GRID2: variants seen among roughly 807,000 people sequenced by gnomAD.
GRID2 encodes glutamate receptor ionotropic, delta-2.
GRID2 carries 33 observed loss-of-function variants against 114.8 expected under a neutral mutation model. The observed-to-expected ratio is 0.29, with a 90% CI of 0.22 to 0.38. GRID2 has a LOEUF of 0.38. Ranked by LOEUF, GRID2 falls within the 10% of genes least tolerant of loss-of-function variation. The pLI, the probability that GRID2 is intolerant of heterozygous loss-of-function variation, is 1.00. For missense variants in GRID2, 1,184 were observed against 1,257.7 expected, an observed-to-expected ratio of 0.94 and a Z score of 0.89; for synonymous variants, 505 against 449.9, an observed-to-expected ratio of 1.12 and a Z score of -1.55.
chr4:93,006,021 C>G (rs938155969), intron 2 of GRID2, among the ~76,000 whole-genome samples: 4 of 151,990 alleles, frequency 2.6e-5, no homozygotes, highest in African/African-American at 9.7e-5. Context: ...TCTCCTAAAT[C>G]AAATCCTAGA....
At chr4:93,423,131 A>C (rs971807021) in intron 10 of GRID2, among the ~76,000 whole-genome samples, 163 bp downstream of exon 10, 2 of 152,114 alleles carry the variant, frequency 1.3e-5, no homozygotes, top group African/African-American at 2.4e-5. Flanking sequence ...CAAAAGTCTC[A>C]CTCAATACTA....
At chr4:92,470,462 C>T (rs190344233) in intron 1 of GRID2, among the ~76,000 whole-genome samples, 2 of 151,788 alleles carry the variant, frequency 1.3e-5, no homozygotes, top group African/African-American at 4.8e-5. Flanking sequence ...TAAAAATATG[C>T]ATTCTTTCAT....
intron 2 of GRID2, among the ~76,000 whole-genome samples, chr4:92,889,597 C>T (rs981872912): frequency 6.6e-6 from 1 of 152,106 alleles, no homozygotes; most frequent in Non-Finnish European, 1.5e-5. Flanking sequence ...AACTACAAAC[C>T]ACTGCTCAAG....
chr4:92,688,037 CT>C (rs760605020), intron 2 of GRID2, among the ~76,000 whole-genome samples: 1,469 of 44,628 alleles, frequency 0.033, 5 homozygotes, highest in African/African-American at 0.063. Flanking sequence ...CCTTCTTCTT[CT>C]TTTTTTTTTT....
intron 8 of GRID2, among the ~76,000 whole-genome samples, chr4:93,339,556 C>T (rs967580277): frequency 3.3e-5 from 5 of 152,170 alleles, no homozygotes; most frequent in African/African-American, 1.2e-4. Context: ...TTATGGATTT[C>T]CCTCCAGAAC....
rs549532137 is a variant in GRID2 at position 93,497,117 on chromosome 4, T to G, written c.1997+6340T>G. Among the ~76,000 whole-genome samples the G allele has an allele frequency of 2.0e-5, 3 of 151,798 alleles. No individual in the cohort carries two copies. In the East Asian group the frequency reaches 5.9e-4, roughly 30 times the overall value. ...TCTCATTGTGGTTTTAATTTCTATT[T>G]TATTATTGTGTAGTGGTATTGAACA... On this transcript the variant is annotated intron_variant, in intron 12 of 15. Transcript: ENST00000282020.
intron 1 of GRID2, among the ~76,000 whole-genome samples, chr4:92,420,671 T>G (rs1282401790): frequency 1.3e-5 from 2 of 152,072 alleles, no homozygotes; most frequent in East Asian, 3.9e-4. Context: ...TCACCCACAC[T>G]GAAATGTTTT....
chr4:93,794,038 A>G (rs554120631), intron 1 of GRID2, among the ~76,000 whole-genome samples: 1 of 151,720 alleles, frequency 6.6e-6, no homozygotes, highest in Non-Finnish European at 1.5e-5. Context: ...AAAAAAAAAG[A>G]ATATGATTTA....
At chr4:92,824,575 A>G (rs1664835827) in intron 2 of GRID2, among the ~76,000 whole-genome samples, 1 of 151,562 alleles carries the variant, frequency 6.6e-6, no homozygotes, top group Admixed American at 6.6e-5. Context: ...AAAGCCATTA[A>G]TTGCTCTTTT....
At chr4:93,256,246 T>A (rs918373132) in intron 8 of GRID2, among the ~76,000 whole-genome samples, 1 of 152,080 alleles carries the variant, frequency 6.6e-6, no homozygotes, top group African/African-American at 2.4e-5. Context: ...TGTTTTAACT[T>A]ACTGAGGACT....
intron 1 of GRID2, among the ~76,000 whole-genome samples, chr4:92,312,693 G>C (rs1725767676): frequency 6.6e-6 from 1 of 152,034 alleles, no homozygotes; most frequent in African/African-American, 2.4e-5. Flanking sequence ...GAAATTAAGA[G>C]GTGAGTTTGG....
chr4:93,744,556 A>C (rs749286822), intron 14 of GRID2, among the ~76,000 whole-genome samples: 14 of 152,196 alleles, frequency 9.2e-5, no homozygotes, highest in Non-Finnish European at 1.8e-4. Flanking sequence ...ATGTGACTGA[A>C]TTGCTGAAAT....
intron 14 of GRID2, among the ~76,000 whole-genome samples, chr4:93,660,276 T>G (rs1241066019): frequency 6.6e-6 from 1 of 152,182 alleles, no homozygotes; most frequent in East Asian, 1.9e-4. Context: ...AATTATACCA[T>G]TTTAAAGTGA....
intron 14 of GRID2, among the ~76,000 whole-genome samples, chr4:93,651,917 C>A (rs773182487): frequency 6.6e-5 from 10 of 152,080 alleles, no homozygotes; most frequent in Non-Finnish European, 1.5e-4. Flanking sequence ...AGTGAATGAG[C>A]TATTTTCTGT....
chr4:93,308,006 A>T (rs1297630854), intron 8 of GRID2, among the ~76,000 whole-genome samples: 2 of 152,152 alleles, frequency 1.3e-5, no homozygotes, highest in East Asian at 3.9e-4. Flanking sequence ...TGTGAAGTAG[A>T]TATCAATTCA....
rs566100841 is a variant in GRID2 at position 92,768,130 on chromosome 4, T to A, written c.244+177844T>A. 3.1e-4 allele frequency among the ~76,000 whole-genome samples: 47 copies of A among 152,104 alleles called. 1 individual carries two copies. The highest frequency in any genetic ancestry group is 5.6e-4 in the Non-Finnish European group (38 of 68,014). ...AAAATCTTTATCAATGTCATGAAAT[T>A]ATTTTCTTTTTTAACCACAAAACCC... On this transcript the variant is annotated intron_variant, in intron 2 of 15. Coordinates refer to ENST00000282020, the MANE Select transcript of GRID2 (RefSeq NM_001510.4).
chr4:93,302,505 C>A (rs537456047), intron 8 of GRID2: 11 of 451,954 alleles, frequency 2.4e-5, no homozygotes, highest in South Asian at 1.7e-4. Flanking sequence ...ACATAATATT[C>A]ATGTTTTCCA....
In GRID2 at chr4:92,754,066, C is replaced by T. The variant is rs896103963; in HGVS notation, c.244+163780C>T. On this transcript the variant is annotated intron_variant, in intron 2 of 15. Transcript: ENST00000282020. ...GTTTACATATTTGCTAATGCATAAC[C>T]TGTCACTGATAATTGTAGGAAAGTT... Among the ~76,000 whole-genome samples, 4 of 152,292 alleles carry T rather than the reference C, an allele frequency of 2.6e-5. No individual in the cohort carries two copies. The East Asian group carries it at 7.7e-4, about 29-fold the overall frequency.
intron 2 of GRID2, among the ~76,000 whole-genome samples, chr4:92,628,446 C>T (rs1349682254): frequency 1.3e-5 from 2 of 152,118 alleles, no homozygotes; most frequent in South Asian, 4.1e-4. Context: ...ACAACCTCCA[C>T]CTCCCAGGTT....
Sources: allele counts gnomAD v4.1 joint callset (sites outside exome capture counted in the v4.1 genomes callset), GRCh38; gene constraint gnomAD v4.1.1; transcripts MANE v1.5; gene names NCBI Gene and HGNC (gene_info 2026-07-23, HGNC 2026-07-21).